ASNS: variants seen among roughly 807,000 people sequenced by gnomAD.
ASNS encodes the protein asparagine synthetase (glutamine-hydrolyzing), also known as asparagine synthetase [glutamine-hydrolyzing].
ASNS carries 37 observed loss-of-function variants against 62.6 expected under a neutral mutation model. That is an observed-to-expected ratio of 0.59 (90% CI 0.45 to 0.78). The LOEUF (loss-of-function observed/expected upper bound fraction) is 0.78. ASNS is among the 30% of genes least tolerant of loss of function. ASNS has a pLI of 0.00. For missense variants in ASNS, 520 were observed against 682.4 expected, an observed-to-expected ratio of 0.76 and a Z score of 2.65; for synonymous variants, 207 against 237.9, an observed-to-expected ratio of 0.87 and a Z score of 1.19.
At chr7:97,913,046 G>A in the ASNS span, 1 of 151,538 alleles carries the variant, frequency 6.6e-6, no homozygotes, top group African/African-American at 2.4e-5. Flanking sequence ...AGCAGTCCTG[G>A]GAGAGAAGCA....
At position 97,852,244 on chromosome 7, in the gene ASNS, C is replaced by T. The variant is rs1237729551; in HGVS notation, c.*15G>A. ...CGAAGAAATATTTGCTTTCACATTA[C>T]AGCATAAAGACCACCTAAGCTTTGA... On this transcript the variant is annotated 3_prime_UTR_variant, in exon 13 of 13. Coordinates refer to ENST00000394308, the MANE Select transcript of ASNS (RefSeq NM_001673.5). 6.2e-7 allele frequency: 1 copy of T among 1,613,592 alleles called. No individual in the cohort carries two copies. The highest frequency in any genetic ancestry group is 2.2e-5 in the East Asian group (1 of 44,876).
the ASNS span, among the ~76,000 whole-genome samples, chr7:97,918,797 G>A: frequency 6.6e-6 from 1 of 152,108 alleles, no homozygotes; most frequent in Non-Finnish European, 1.5e-5. Context: ...AACAAGGGGT[G>A]GGAGAGCGTT....
At chr7:97,907,269 T>C in the ASNS span, among the ~76,000 whole-genome samples, 9 of 152,346 alleles carry the variant, frequency 5.9e-5, no homozygotes, top group African/African-American at 1.9e-4. Context: ...TCTCAAAATA[T>C]GTTGTGTTTC....
At chr7:97,870,982 C>T (rs1200870114) in intron 1 of ASNS, among the ~76,000 whole-genome samples, 1 of 152,212 alleles carries the variant, frequency 6.6e-6, no homozygotes, top group Non-Finnish European at 1.5e-5. Context: ...AAAGTTCCTA[C>T]TGCCGCTACC....
chr7:97,857,325 A>G (rs138793711), intron 7 of ASNS, among the ~76,000 whole-genome samples: 4 of 152,278 alleles, frequency 2.6e-5, no homozygotes, highest in Non-Finnish European at 5.9e-5. Flanking sequence ...AAAGTCCTCC[A>G]TAGTGGGAAC....
the ASNS span, among the ~76,000 whole-genome samples, chr7:97,881,848 T>C: frequency 4.6e-5 from 7 of 152,056 alleles, no homozygotes; most frequent in African/African-American, 1.7e-4. Context: ...TGAGGGATGA[T>C]AACAGCAACC....
At chr7:97,883,911 G>C in the ASNS span, among the ~76,000 whole-genome samples, 3 of 150,450 alleles carry the variant, frequency 2.0e-5, no homozygotes, top group Non-Finnish European at 3.0e-5. Context: ...TGGCGTGAAC[G>C]CGGGAGGTGG....
chr7:97,870,353 T>C, intron 1 of ASNS: 1 of 360,844 alleles, frequency 2.8e-6, no homozygotes, highest in South Asian at 5.5e-5. Context: ...GTGTTTTTTT[T>C]AAAAAAACTG....
chr7:97,889,524 C>CA, the ASNS span, among the ~76,000 whole-genome samples: 6,758 of 148,866 alleles, frequency 0.045, 346 homozygotes, highest in African/African-American at 0.12. Context: ...TCAACAACCA[C>CA]AAAAAAAAAC....
chr7:97,924,458 A>G, the ASNS span, among the ~76,000 whole-genome samples: 3 of 152,212 alleles, frequency 2.0e-5, no homozygotes, highest in Non-Finnish European at 4.4e-5. Context: ...GGAAATATCT[A>G]TATCTCGGCA....
intron 7 of ASNS, among the ~76,000 whole-genome samples, chr7:97,857,617 A>T (rs1382370650): frequency 1.0e-4 from 4 of 38,670 alleles, no homozygotes; most frequent in Admixed American, 4.1e-4. Context: ...CTTTACGTTT[A>T]AAAAAAAAAA....
intron 8 of ASNS, among the ~76,000 whole-genome samples, chr7:97,856,179 T>C (rs1346479927): frequency 6.6e-6 from 1 of 152,204 alleles, no homozygotes. Context: ...CAGTAGCATA[T>C]AAAGGCTCAA....
chr7:97,859,333 A>C lies in ASNS; in HGVS notation c.553T>G (p.Tyr185Asp), dbSNP rs2115660260. The change falls in exon 5 of 13, where the codon TAT becomes GAT. Residue 185 changes from tyrosine (Y) to aspartate (D), a missense_variant. Physicochemically the swap from Tyr to Asp is radical, Grantham distance 160. Transcript: ENST00000394308. ...TTTGGCTTTAAATCCAAAACTTCAT[A>C]GTGTCCAGGAAGAAAAGGCTCCACT... ...LKVEPFLPGH[Y>D]EVLDLKPNGK... The C allele has an allele frequency of 1.9e-6, 3 of 1,614,158 alleles. No homozygotes were observed. Among genetic ancestry groups the C allele is most frequent in the Non-Finnish European group, 2.5e-6 (3 of 1,180,018 alleles).
rs1792290958 is a variant in ASNS, at chr7:97,871,968, G to A, written c.-60+383C>T. 2.0e-5 allele frequency: 3 copies of A among 152,350 alleles called. No homozygotes were observed. In the South Asian group the frequency reaches 6.2e-4, roughly 32 times the overall value. 9.4% of individuals were successfully genotyped at this position (152,350 alleles called of 1,614,324 possible). ...AGCACGATCCGACCCGTCCGCCGCA[G>A]GGACCCGGACCGCGAAAATGTCCAC... is the stretch of plus-strand genomic sequence containing the variant. On this transcript the variant is annotated intron_variant, in intron 1 of 12. Coordinates refer to ENST00000394308, the MANE Select transcript of ASNS (RefSeq NM_001673.5).
chr7:97,914,737 A>T, the ASNS span, among the ~76,000 whole-genome samples: 1 of 152,180 alleles, frequency 6.6e-6, no homozygotes, highest in Non-Finnish European at 1.5e-5. Context: ...ATTAACCCTG[A>T]TGTCTGCCTG....
chr7:97,920,174 T>C, the ASNS span, among the ~76,000 whole-genome samples: 1 of 152,128 alleles, frequency 6.6e-6, no homozygotes, highest in South Asian at 2.1e-4. Context: ...CGGCTAATTA[T>C]TGTATTTTTA....
At chr7:97,876,269 G>C (rs1792436405), upstream of ASNS, among the ~76,000 whole-genome samples, 1 of 152,172 alleles carries the variant, frequency 6.6e-6, no homozygotes, top group Non-Finnish European at 1.5e-5. Context: ...TTCCTGTGCT[G>C]CTTCTACAGC....
the ASNS span, among the ~76,000 whole-genome samples, chr7:97,893,881 C>T: frequency 6.6e-6 from 1 of 152,338 alleles, no homozygotes; most frequent in Non-Finnish European, 1.5e-5. Flanking sequence ...ATGGACCTAA[C>T]AGATATTTTC....
Position 97,854,652 on chromosome 7 carries a change from T to C in ASNS, c.1166A>G (p.Glu389Gly), listed in dbSNP as rs1401808666. The change falls in exon 10 of 13, where the codon GAG becomes GGG. Residue 389 changes from glutamate to glycine, a missense_variant. Physicochemically the swap from Glu to Gly is moderately conservative, Grantham distance 98. Coordinates refer to ENST00000394308, the MANE Select transcript of ASNS (RefSeq NM_001673.5). Reference protein sequence around the residue: ...KAPSPEKAEEESERLLRELYL... With the variant: ...KAPSPEKAEEGSERLLRELYL... ...GAGTTCCCTCAGAAGCCTCTCACTCTCCTCCTCGGCTTTTTCAGGAGAAGG... is the reference window on the plus strand; with the variant it reads ...GAGTTCCCTCAGAAGCCTCTCACTCCCCTCCTCGGCTTTTTCAGGAGAAGG... 1 of 1,614,108 alleles carries C rather than the reference T, an allele frequency of 6.2e-7. No homozygotes were observed. The highest frequency in any genetic ancestry group is 8.5e-7 in the Non-Finnish European group (1 of 1,180,014).
Sources: allele counts gnomAD v4.1 joint callset (sites outside exome capture counted in the v4.1 genomes callset), GRCh38; gene constraint gnomAD v4.1.1; transcripts MANE v1.5; gene names NCBI Gene and HGNC (gene_info 2026-07-23, HGNC 2026-07-21).